The following GRM3 variants were observed in gnomAD, a reference collection of about 807,000 sequenced individuals.
GRM3 encodes metabotropic glutamate receptor 3.
Under a neutral mutation model 70.5 loss-of-function variants are expected in GRM3, and 26 were observed. That is an observed-to-expected ratio of 0.37 (90% CI 0.27 to 0.51). The LOEUF is 0.51. Among genes scored for constraint, GRM3 ranks in the 20% least tolerant of loss-of-function variants. GRM3 has a pLI of 0.93. For missense variants in GRM3, 859 were observed against 1,123.8 expected, an observed-to-expected ratio of 0.76 and a Z score of 3.37; for synonymous variants, 443 against 434.9, an observed-to-expected ratio of 1.02 and a Z score of -0.23.
Position 86,644,764 on chromosome 7 carries a change from T to G in GRM3, c.-249T>G. Reference sequence around the variant, plus strand: ...GGACAAAGCCAGTAAGCTACCTCTTTTGTGTCGGATGAGGAGGACCAACCA... The same window carrying G: ...GGACAAAGCCAGTAAGCTACCTCTTGTGTGTCGGATGAGGAGGACCAACCA... On this transcript the variant is annotated 5_prime_UTR_variant, in exon 1 of 6. Transcript: ENST00000361669. 1 of 1,284,574 alleles carries G rather than the reference T, an allele frequency of 7.8e-7. No individual in the cohort carries two copies. Among genetic ancestry groups the G allele is most frequent in the Non-Finnish European group, 1.0e-6 (1 of 984,068 alleles). 79.6% of individuals were successfully genotyped at this position (1,284,574 alleles called of 1,614,324 possible).
intron 1 of GRM3, among the ~76,000 whole-genome samples, chr7:86,681,398 C>T (rs762267720): frequency 1.4e-4 from 22 of 152,090 alleles, no homozygotes; most frequent in African/African-American, 4.8e-4. Flanking sequence ...ATCTCATTCA[C>T]GTTTTCTTTT....
At chr7:86,669,158 C>G (rs1227965605) in intron 1 of GRM3, among the ~76,000 whole-genome samples, 5 of 152,164 alleles carry the variant, frequency 3.3e-5, no homozygotes, top group Non-Finnish European at 7.3e-5. Context: ...TGTGCTGAAA[C>G]AGTGGTTCTC....
chr7:86,645,172 C>T (rs756019472), intron 1 of GRM3, among the ~76,000 whole-genome samples: 2 of 152,130 alleles, frequency 1.3e-5, no homozygotes, highest in Non-Finnish European at 2.9e-5. Flanking sequence ...CCAGAGAGAC[C>T]AGTCTCATCA....
At chr7:86,814,825 A>C (rs1029267683) in intron 3 of GRM3, among the ~76,000 whole-genome samples, 4 of 150,908 alleles carry the variant, frequency 2.7e-5, no homozygotes, top group Non-Finnish European at 1.5e-5. Flanking sequence ...AGCGCCAGTC[A>C]TTTCCCAGAG....
intron 1 of GRM3, among the ~76,000 whole-genome samples, chr7:86,646,013 G>T (rs1793460488): frequency 1.1e-4 from 8 of 70,002 alleles, no homozygotes; most frequent in African/African-American, 2.4e-4. Context: ...GGGTGGGGGG[G>T]GGTGGGAGGG....
intron 1 of GRM3, among the ~76,000 whole-genome samples, chr7:86,722,269 T>C (rs1202851323): frequency 6.6e-6 from 1 of 152,100 alleles, no homozygotes; most frequent in Non-Finnish European, 1.5e-5. Context: ...CCCAAAGGAT[T>C]ATAAATCATT....
At chr7:86,712,620 A>T (rs1452952108) in intron 1 of GRM3, among the ~76,000 whole-genome samples, 2 of 151,736 alleles carry the variant, frequency 1.3e-5, no homozygotes, top group African/African-American at 4.8e-5. Context: ...TCCATCATCA[A>T]CCTCTCTGCA....
intron 1 of GRM3, among the ~76,000 whole-genome samples, chr7:86,710,577 G>T (rs1225633586): frequency 8.0e-6 from 1 of 125,230 alleles, no homozygotes; most frequent in East Asian, 3.0e-4. Flanking sequence ...GGGGGGTGGG[G>T]GGAGGGGGCG....
At chr7:86,686,062 G>A (rs1794559522) in intron 1 of GRM3, among the ~76,000 whole-genome samples, 1 of 152,054 alleles carries the variant, frequency 6.6e-6, no homozygotes, top group African/African-American at 2.4e-5. Flanking sequence ...TAAATAATGA[G>A]CAAGATAGAT....
At chr7:86,682,628 G>A (rs761618289) in intron 1 of GRM3, among the ~76,000 whole-genome samples, 3 of 152,122 alleles carry the variant, frequency 2.0e-5, no homozygotes, top group Non-Finnish European at 4.4e-5. Flanking sequence ...CATCCAGCAT[G>A]CCCCAAATCT....
intron 2 of GRM3, among the ~76,000 whole-genome samples, chr7:86,775,737 A>C (rs1483625729): frequency 1.3e-5 from 2 of 152,016 alleles, no homozygotes; most frequent in African/African-American, 4.8e-5. Flanking sequence ...CCTACTATTA[A>C]AGCAAATATG....
At chr7:86,821,961 C>G (rs1798129977) in intron 3 of GRM3, among the ~76,000 whole-genome samples, 1 of 146,240 alleles carries the variant, frequency 6.8e-6, no homozygotes, top group Admixed American at 6.8e-5. Flanking sequence ...TTTTTGAGAA[C>G]AGATTTTGTA....
At chr7:86,763,013 G>C (rs948000956) in intron 1 of GRM3, among the ~76,000 whole-genome samples, 1 of 152,148 alleles carries the variant, frequency 6.6e-6, no homozygotes, top group East Asian at 1.9e-4. Flanking sequence ...TCTTAAATCT[G>C]TGGGCAAGGG....
chr7:86,647,762 A>G (rs2115753400), intron 1 of GRM3, among the ~76,000 whole-genome samples: 1 of 152,322 alleles, frequency 6.6e-6, no homozygotes, highest in South Asian at 2.1e-4. Context: ...CATAGTAATC[A>G]CTGAGACGGC....
intron 3 of GRM3, among the ~76,000 whole-genome samples, chr7:86,813,468 G>A (rs1797953946): frequency 6.6e-6 from 1 of 151,800 alleles, no homozygotes; most frequent in African/African-American, 2.4e-5. Context: ...TTTACCTCAG[G>A]ATACAGAGAA....
intron 1 of GRM3, among the ~76,000 whole-genome samples, chr7:86,693,971 A>G (rs1453637855): frequency 6.6e-6 from 1 of 152,234 alleles, no homozygotes; most frequent in African/African-American, 2.4e-5. Context: ...TTCATGTTTC[A>G]TACAGGCAAC....
At chr7:86,775,281 CA>C (rs1412775741) in intron 2 of GRM3, 1 of 151,868 alleles carries the variant, frequency 6.6e-6, no homozygotes, top group East Asian at 1.9e-4. Flanking sequence ...CCTGTAATGA[CA>C]AAAAGAGGAG....
chr7:86,716,882 T>A (rs1795329926), intron 1 of GRM3, among the ~76,000 whole-genome samples: 1 of 151,864 alleles, frequency 6.6e-6, no homozygotes, highest in African/African-American at 2.4e-5. Flanking sequence ...AATGACTATT[T>A]CAGATTTATA....
intron 4 of GRM3, among the ~76,000 whole-genome samples, chr7:86,840,897 G>C (rs1019697472): frequency 3.3e-5 from 5 of 152,010 alleles, no homozygotes; most frequent in Admixed American, 3.3e-4. Flanking sequence ...GAAAATTGCA[G>C]CCCAAAAAGA....
Sources: gnomAD v4.1 joint callset for allele counts (sites outside exome capture counted in the v4.1 genomes callset) on GRCh38, gnomAD v4.1.1 for gene constraint, MANE v1.5 for transcripts, NCBI Gene and HGNC (gene_info 2026-07-23, HGNC 2026-07-21) for gene names.